Variants in CCDC178 observed in about 807,000 individuals in gnomAD.
CCDC178 encodes the protein coiled-coil domain containing 178.
CCDC178 carries 126 observed loss-of-function variants against 117.4 expected under a neutral mutation model. The observed-to-expected ratio is 1.07, with a 90% CI of 0.93 to 1.24. The LOEUF (loss-of-function observed/expected upper bound fraction) is 1.24. CCDC178 is among the 50% of genes most tolerant of loss of function. The probability of loss-of-function intolerance (pLI) is 0.00; values close to 1 mark genes in which losing one functional copy is unlikely to be tolerated. For missense variants in CCDC178, 1,030 were observed against 986.9 expected (o/e 1.04, Z -0.59); for synonymous variants, 283 against 313.4 (o/e 0.90, Z 1.02).
chr18:33,025,047 G>A (rs886229047), intron 21 of CCDC178, among the ~76,000 whole-genome samples: 1 of 152,062 alleles, frequency 6.6e-6, no homozygotes. Context: ...ACATCCTTAC[G>A]AATACAGATA....
At chr18:33,123,575 A>G (rs2057964976) in intron 20 of CCDC178, among the ~76,000 whole-genome samples, 1 of 152,314 alleles carries the variant, frequency 6.6e-6, no homozygotes, top group Middle Eastern at 3.4e-3. Flanking sequence ...GTAAAAAATG[A>G]CATAAAAGAA....
chr18:33,066,505 A>T (rs1486446176), intron 21 of CCDC178, among the ~76,000 whole-genome samples: 9 of 152,230 alleles, frequency 5.9e-5, no homozygotes, highest in Non-Finnish European at 1.5e-5. Context: ...ATGTATCAAT[A>T]ATAACTTTGA....
At chr18:33,109,119 A>G (rs1229384435) in intron 20 of CCDC178, among the ~76,000 whole-genome samples, 1 of 151,686 alleles carries the variant, frequency 6.6e-6, no homozygotes, top group Non-Finnish European at 1.5e-5. Context: ...TTCAAGTATG[A>G]CAATGAACGA....
intron 3 of CCDC178, among the ~76,000 whole-genome samples, chr18:33,401,834 T>A (rs2063713283): frequency 2.0e-5 from 3 of 151,994 alleles, no homozygotes; most frequent in African/African-American, 7.2e-5. Context: ...ACGTTAACTA[T>A]TAACAATCCA....
At chr18:33,145,680 T>A (rs952371541) in intron 20 of CCDC178, among the ~76,000 whole-genome samples, 1 of 152,130 alleles carries the variant, frequency 6.6e-6, no homozygotes, top group African/African-American at 2.4e-5. Flanking sequence ...AGAATACACA[T>A]AAAAAAATTT....
chr18:33,200,944 CA>C (rs1459431692), intron 20 of CCDC178, among the ~76,000 whole-genome samples: 1 of 152,110 alleles, frequency 6.6e-6, no homozygotes, highest in Non-Finnish European at 1.5e-5. Context: ...AATGAATGAA[CA>C]AAAATCAATA....
chr18:33,041,593 C>T (rs1031466429), intron 21 of CCDC178, among the ~76,000 whole-genome samples: 4 of 151,008 alleles, frequency 2.6e-5, no homozygotes, highest in Non-Finnish European at 5.9e-5. Context: ...TTATTCTTTC[C>T]ATAAATTCTG....
At position 32,937,917 on chromosome 18, in the gene CCDC178, T is replaced by C. The variant is rs1280714110; in HGVS notation, c.*94A>G. 2.1e-6 allele frequency: 2 copies of C among 969,470 alleles called. No individual in the cohort carries two copies. Among genetic ancestry groups the C allele is most frequent in the Non-Finnish European group, 3.3e-6 (2 of 613,186 alleles). 60.1% of individuals were successfully genotyped at this position (969,470 alleles called of 1,614,324 possible). A position where few individuals can be genotyped will look rare whatever the true frequency, so the allele number is the denominator to read the frequency against. Reference sequence around the variant, plus strand: ...GTTTTTCGTTCATGGAAGTGTGAAATGGCAAACAGGTGAATGTCCAATTAC... The same window carrying C: ...GTTTTTCGTTCATGGAAGTGTGAAACGGCAAACAGGTGAATGTCCAATTAC... On this transcript the variant is annotated 3_prime_UTR_variant, in exon 23 of 23. Coordinates refer to ENST00000383096, the MANE Select transcript of CCDC178 (RefSeq NM_001105528.4).
chr18:33,118,182 T>C (rs1023863068), intron 20 of CCDC178, among the ~76,000 whole-genome samples: 3 of 152,058 alleles, frequency 2.0e-5, no homozygotes. Context: ...GCACTTGATA[T>C]AATGGTGGAA....
intron 21 of CCDC178, among the ~76,000 whole-genome samples, chr18:33,068,995 A>G (rs1362159089): frequency 1.3e-5 from 2 of 152,190 alleles, no homozygotes; most frequent in African/African-American, 2.4e-5. Context: ...TCAACATACA[A>G]AAATCAGGAG....
chr18:33,126,783 C>T (rs550445343), intron 20 of CCDC178, among the ~76,000 whole-genome samples: 5 of 151,726 alleles, frequency 3.3e-5, no homozygotes, highest in African/African-American at 4.8e-5. Flanking sequence ...CTCAGCCTCC[C>T]GAGTAGCTGG....
chr18:33,351,769 T>C (rs1403218343), intron 7 of CCDC178, among the ~76,000 whole-genome samples: 1 of 151,792 alleles, frequency 6.6e-6, no homozygotes, highest in Admixed American at 6.6e-5. Flanking sequence ...CCTAGGCTTG[T>C]CTCAAACTTC....
chr18:33,030,598 T>C (rs2056321805), intron 21 of CCDC178, among the ~76,000 whole-genome samples: 1 of 151,078 alleles, frequency 6.6e-6, no homozygotes, highest in Admixed American at 6.6e-5. Flanking sequence ...AGAGAGAGAA[T>C]TTAATGGGGA....
intron 12 of CCDC178, among the ~76,000 whole-genome samples, chr18:33,292,847 G>A (rs1284273551): frequency 6.6e-6 from 1 of 151,938 alleles, no homozygotes. Context: ...GTGTTATCCT[G>A]GAGTCTCCAG....
intron 21 of CCDC178, among the ~76,000 whole-genome samples, chr18:33,042,484 G>C (rs1331523999): frequency 6.6e-6 from 1 of 151,878 alleles, no homozygotes; most frequent in Admixed American, 6.6e-5. Flanking sequence ...TAAAATATGA[G>C]TGGAGTTTGT....
chr18:33,204,486 T>G (rs1879049663), intron 20 of CCDC178, among the ~76,000 whole-genome samples: 1 of 152,156 alleles, frequency 6.6e-6, no homozygotes. Context: ...TACCAAAAAC[T>G]GTTTTAAGTG....
rs1415640077 is a variant in CCDC178, at chr18:33,072,877, G to A, written c.2388+19884C>T. On this transcript the variant is annotated intron_variant, in intron 21 of 22. Transcript: ENST00000383096. The stretch of plus-strand genomic sequence containing the variant: ...CCATCTTGGCCTCTCGAACTGCTGG[G>A]ATTACAGGCATGAGTCACTGAGCCT... Among the ~76,000 whole-genome samples the A allele has an allele frequency of 3.3e-5, 5 of 152,040 alleles. No homozygotes were observed. The East Asian group carries it at 7.7e-4, about 23-fold the overall frequency.
intron 5 of CCDC178, among the ~76,000 whole-genome samples, chr18:33,376,167 G>C (rs774291486): frequency 6.6e-6 from 1 of 152,064 alleles, no homozygotes; most frequent in Non-Finnish European, 1.5e-5. Flanking sequence ...TCTATTAGGA[G>C]ACTGCCTTTC....
intron 20 of CCDC178, among the ~76,000 whole-genome samples, chr18:33,206,379 A>C (rs1203958363): frequency 2.0e-5 from 3 of 152,092 alleles, no homozygotes; most frequent in Non-Finnish European, 2.9e-5. Context: ...ATAAAGAAAA[A>C]AGCTAAAATT....
Sources: gnomAD v4.1 joint callset for allele counts (sites outside exome capture counted in the v4.1 genomes callset) on GRCh38, gnomAD v4.1.1 for gene constraint, MANE v1.5 for transcripts, NCBI Gene and HGNC (gene_info 2026-07-23, HGNC 2026-07-21) for gene names.